Variants in CNTNAP2 observed in about 807,000 individuals in gnomAD.
CNTNAP2 encodes the protein contactin associated protein 2, also known as contactin-associated protein-like 2.
CNTNAP2 carries 98 observed loss-of-function variants against 155.2 expected under a neutral mutation model. That is an observed-to-expected ratio of 0.63 (90% confidence interval 0.54 to 0.75). CNTNAP2 has a LOEUF of 0.75. Ranked by LOEUF, CNTNAP2 falls within the 30% of genes least tolerant of loss-of-function variation. CNTNAP2 has a pLI of 0.00. For missense variants in CNTNAP2, 1,727 were observed against 1,688.1 expected (o/e 1.02, Z -0.40); for synonymous variants, 651 against 631.2 (o/e 1.03, Z -0.47).
At chr7:148,120,135 T>C (rs951199362) in intron 16 of CNTNAP2, among the ~76,000 whole-genome samples, 2 of 149,998 alleles carry the variant, frequency 1.3e-5, no homozygotes, top group African/African-American at 2.5e-5. Flanking sequence ...GTGCTTGGAT[T>C]CCCCCATCTT....
At chr7:146,995,197 C>T (rs1035772671) in intron 3 of CNTNAP2, among the ~76,000 whole-genome samples, 2 of 151,958 alleles carry the variant, frequency 1.3e-5, no homozygotes, top group South Asian at 4.1e-4. Flanking sequence ...AACAGTATTC[C>T]ATTGTGTATA....
At chr7:146,443,178 C>T (rs1228358202) in intron 1 of CNTNAP2, among the ~76,000 whole-genome samples, 1 of 151,802 alleles carries the variant, frequency 6.6e-6, no homozygotes, top group African/African-American at 2.4e-5. Flanking sequence ...CACGCCACTG[C>T]ACTCCAGCCT....
chr7:147,491,881 A>G (rs1161769591), intron 11 of CNTNAP2, among the ~76,000 whole-genome samples: 1 of 152,228 alleles, frequency 6.6e-6, no homozygotes, highest in Non-Finnish European at 1.5e-5. Flanking sequence ...ACATTATTCT[A>G]AGAAATTATA....
chr7:148,029,102 C>T (rs532823091), intron 15 of CNTNAP2, among the ~76,000 whole-genome samples: 2 of 67,836 alleles, frequency 2.9e-5, no homozygotes, highest in Non-Finnish European at 5.3e-5. Context: ...TTTTGGGCAA[C>T]ACACTTTTAA....
chr7:147,680,849 A>G (rs974548548), intron 13 of CNTNAP2, among the ~76,000 whole-genome samples: 8 of 151,018 alleles, frequency 5.3e-5, no homozygotes, highest in African/African-American at 1.9e-4. Context: ...CCTACAAAAT[A>G]TATAATAACA....
intron 1 of CNTNAP2, among the ~76,000 whole-genome samples, chr7:146,316,207 A>G (rs1314793857): frequency 6.6e-6 from 1 of 151,916 alleles, no homozygotes; most frequent in Non-Finnish European, 1.5e-5. Context: ...TTTTGTTCCT[A>G]TATACCCCAA....
intron 1 of CNTNAP2, among the ~76,000 whole-genome samples, chr7:146,307,700 G>C (rs1800740132): frequency 6.6e-6 from 1 of 152,076 alleles, no homozygotes; most frequent in Non-Finnish European, 1.5e-5. Flanking sequence ...TCTGATCTTT[G>C]ACAAACCTGA....
chr7:146,395,826 G>GAGA (rs1563068432), intron 1 of CNTNAP2, among the ~76,000 whole-genome samples: 48 of 116,850 alleles, frequency 4.1e-4, no homozygotes, highest in African/African-American at 1.3e-3. Flanking sequence ...GATAGATAGA[G>GAGA]GAGAGAGAGA....
intron 15 of CNTNAP2, among the ~76,000 whole-genome samples, chr7:148,044,113 T>C (rs1260397557): frequency 6.6e-6 from 1 of 151,154 alleles, no homozygotes; most frequent in Non-Finnish European, 1.5e-5. Flanking sequence ...ACGGTAAAAA[T>C]GAAAAGAGTA....
chr7:146,306,990 G>A (rs912940201), intron 1 of CNTNAP2, among the ~76,000 whole-genome samples: 9 of 152,130 alleles, frequency 5.9e-5, no homozygotes, highest in African/African-American at 2.2e-4. Context: ...GGGCAATCAG[G>A]CAAGAGAAAG....
At chr7:147,205,008 C>A (rs1055431947) in intron 8 of CNTNAP2, among the ~76,000 whole-genome samples, 1 of 151,864 alleles carries the variant, frequency 6.6e-6, no homozygotes, top group Non-Finnish European at 1.5e-5. Flanking sequence ...TGTGCCAGTA[C>A]CATGCTGTTT....
At chr7:147,572,675 T>C (rs534450480) in intron 12 of CNTNAP2, among the ~76,000 whole-genome samples, 2 of 150,634 alleles carry the variant, frequency 1.3e-5, no homozygotes, top group African/African-American at 4.9e-5. Flanking sequence ...TAGTCTACAG[T>C]AATCAACTAT....
At chr7:146,964,114 C>A (rs1563023058) in intron 3 of CNTNAP2, among the ~76,000 whole-genome samples, 1 of 152,124 alleles carries the variant, frequency 6.6e-6, no homozygotes, top group African/African-American at 2.4e-5. Flanking sequence ...TATTTGTGAT[C>A]CAAATCAGAA....
At chr7:148,387,390 C>T (rs1043597109) in intron 22 of CNTNAP2, among the ~76,000 whole-genome samples, 1 of 152,112 alleles carries the variant, frequency 6.6e-6, no homozygotes, top group African/African-American at 2.4e-5. Context: ...AGTATATACA[C>T]AAAAATGCCT....
At chr7:146,326,928 T>C (rs1045588607) in intron 1 of CNTNAP2, among the ~76,000 whole-genome samples, 1 of 152,202 alleles carries the variant, frequency 6.6e-6, no homozygotes, top group Non-Finnish European at 1.5e-5. Context: ...AAGAAAATAT[T>C]TCTCTTCCTA....
At chr7:148,013,763 C>T (rs10250079) in intron 15 of CNTNAP2, among the ~76,000 whole-genome samples, 52,408 of 151,854 alleles carry the variant, frequency 0.35, 9,819 homozygotes, top group East Asian at 0.74. Flanking sequence ...CACAAGTGTG[C>T]CTGATGTGGA....
At chr7:146,797,739 GTTT>G (rs1352069245) in intron 2 of CNTNAP2, among the ~76,000 whole-genome samples, 1 of 152,182 alleles carries the variant, frequency 6.6e-6, no homozygotes, top group Non-Finnish European at 1.5e-5. Context: ...AAAAAGGAAG[GTTT>G]AGTTCTCACT....
chr7:146,601,692 T>G (rs1268213825), intron 1 of CNTNAP2, among the ~76,000 whole-genome samples: 1 of 152,104 alleles, frequency 6.6e-6, no homozygotes, highest in Non-Finnish European at 1.5e-5. Context: ...GAGAGCTAGC[T>G]CTATAAGATA....
intron 19 of CNTNAP2, among the ~76,000 whole-genome samples, chr7:148,219,641 G>A (rs1001757901): frequency 1.3e-5 from 2 of 152,076 alleles, no homozygotes; most frequent in East Asian, 3.9e-4. Context: ...AGACTAGCCT[G>A]GGCAACATAG....
Sources: allele counts gnomAD v4.1 joint callset (sites outside exome capture counted in the v4.1 genomes callset), GRCh38; gene constraint gnomAD v4.1.1; transcripts MANE v1.5; gene names NCBI Gene and HGNC (gene_info 2026-07-23, HGNC 2026-07-21).